The following UGT1A3 variants were observed in gnomAD, a reference collection of about 807,000 sequenced individuals.
UGT1A3 encodes UDP-glucuronosyltransferase 1A3.
In UGT1A3, 31 loss-of-function variants were observed where a neutral mutation model predicts 41.0. That is an observed-to-expected ratio of 0.76 (90% CI 0.57 to 1.02). The LOEUF is 1.02. Among genes scored for constraint, UGT1A3 ranks in the 50% least tolerant of loss-of-function variants. UGT1A3 has a pLI of 0.00. For missense variants in UGT1A3, 737 were observed against 671.0 expected, an observed-to-expected ratio of 1.10 and a Z score of -1.09; for synonymous variants, 262 against 257.6, an observed-to-expected ratio of 1.02 and a Z score of -0.17.
Position 233,729,601 on chromosome 2 carries a change from G to C in UGT1A3, c.475G>C (p.Ala159Pro). 3.1e-6 allele frequency: 5 copies of C among 1,614,032 alleles called. No individual in the cohort carries two copies. The highest frequency in any genetic ancestry group is 4.2e-6 in the Non-Finnish European group (5 of 1,179,956). ...VLTDPVNLCA[A>P]VLAKYLSIPT... ...AACAGACCCCGTTAACCTCTGCGCG[G>C]CAGTGCTGGCTAAGTACCTGTCGAT... The change falls in exon 1 of 5, where the codon GCA (alanine) becomes CCA (proline). Residue 159 changes from alanine (A) to proline (P), a missense_variant. By Grantham distance (27) the Ala-to-Pro change is conservative. Transcript: ENST00000482026.
intron 1 of UGT1A3, among the ~76,000 whole-genome samples, chr2:233,738,627 G>A (rs1481617124): frequency 1.3e-5 from 2 of 152,172 alleles, no homozygotes; most frequent in Non-Finnish European, 2.9e-5. Flanking sequence ...TGGCATTTTT[G>A]CCCCTGCCCT....
chr2:233,760,629 G>T (rs1330446381), intron 1 of UGT1A3: 1 of 1,613,986 alleles, frequency 6.2e-7, no homozygotes, highest in Non-Finnish European at 8.5e-7. Context: ...AAACATACAA[G>T]AAAATAAAAA....
In UGT1A3 at chr2:233,760,429, C is replaced by G. The variant is rs747942373; in HGVS notation, c.868-6605C>G. 87 of 1,614,090 alleles carry G rather than the reference C, an allele frequency of 5.4e-5. No homozygotes were observed. The highest frequency in any genetic ancestry group is 6.6e-5 in the Non-Finnish European group (78 of 1,180,040). On this transcript the variant is annotated intron_variant, in intron 1 of 4. Coordinates refer to ENST00000482026, the MANE Select transcript of UGT1A3 (RefSeq NM_019093.4). The stretch of plus-strand genomic sequence containing the variant: ...CTGGCTGAGCATGCTTGGGGCCATC[C>G]AGCAGCTGCAGCAGAGGGGACATGA...
At chr2:233,740,928 T>C (rs1315246376) in intron 1 of UGT1A3, 1 of 34,774 alleles carries the variant, frequency 2.9e-5, no homozygotes, top group Non-Finnish European at 4.7e-5. Flanking sequence ...CCACAAAAAG[T>C]TTTTTTTTTA....
At chr2:233,736,493 CT>C (rs2078770083) in intron 1 of UGT1A3, among the ~76,000 whole-genome samples, 1 of 152,222 alleles carries the variant, frequency 6.6e-6, no homozygotes, top group African/African-American at 2.4e-5. Context: ...TACTACCAAA[CT>C]TCTGAAGCCT....
At chr2:233,757,560 A>ATG (rs199649558) in intron 1 of UGT1A3, among the ~76,000 whole-genome samples, 16 of 123,134 alleles carry the variant, frequency 1.3e-4, no homozygotes, top group African/African-American at 3.4e-4. Context: ...ATATATATAT[A>ATG]TGTATATATG....
Position 233,729,464 on chromosome 2 carries a change from G to C in UGT1A3, c.338G>C (p.Ser113Thr), listed in dbSNP as rs146268573. ...CATTTTCTGAAGAAATTTTTCAGAA[G>C]TATGGCAATGTTGAACAATATGTCT... ...TEHFLKKFFR[S>T]MAMLNNMSLV... Residue 113 changes from serine to threonine, a missense_variant, in exon 1 of 5, where the codon AGT becomes ACT. Coordinates refer to ENST00000482026, the MANE Select transcript of UGT1A3 (RefSeq NM_019093.4). 178 of 1,614,158 alleles carry C rather than the reference G, an allele frequency of 1.1e-4. 1 individual carries two copies. In the African/African-American group the frequency reaches 2.0e-3, roughly 18 times the overall value.
intron 1 of UGT1A3, among the ~76,000 whole-genome samples, chr2:233,750,424 A>T (rs1378744629): frequency 2.6e-5 from 4 of 151,872 alleles, no homozygotes; most frequent in Non-Finnish European, 5.9e-5. Context: ...GAAAAGAAAA[A>T]CCCATTTTAT....
At chr2:233,764,549 G>A (rs1698590691) in intron 1 of UGT1A3, among the ~76,000 whole-genome samples, 1 of 152,222 alleles carries the variant, frequency 6.6e-6, no homozygotes, top group Non-Finnish European at 1.5e-5. Flanking sequence ...GGGCGTGTGG[G>A]AGGGTGTGCC....
intron 1 of UGT1A3, chr2:233,743,522 T>C: frequency 7.3e-7 from 1 of 1,367,282 alleles, no homozygotes; most frequent in Non-Finnish European, 9.8e-7. Flanking sequence ...CTGCTTCTGC[T>C]TCCCCAGCAG....
chr2:233,729,649 A>T lies in UGT1A3; in HGVS notation c.523A>T (p.Asn175Tyr), dbSNP rs61764031. Residue 175 changes from asparagine to tyrosine, a missense_variant, in exon 1 of 5, where the codon AAC becomes TAC. Physicochemically the swap from Asn to Tyr is moderately radical, Grantham distance 143. Coordinates refer to ENST00000482026, the MANE Select transcript of UGT1A3 (RefSeq NM_019093.4). ...LSIPTVFFLR[N>Y]IPCDLDFKGT... ...GATTCCTACTGTGTTTTTTTTGAGG[A>T]ACATTCCATGTGATTTAGACTTTAA... 8.3e-4 allele frequency: 1,345 copies of T among 1,613,864 alleles called. No individual in the cohort carries two copies. The highest frequency in any genetic ancestry group is 1.1e-3 in the Non-Finnish European group (1,252 of 1,179,868).
intron 1 of UGT1A3, chr2:233,747,522 G>C: frequency 6.2e-7 from 1 of 1,606,796 alleles, no homozygotes; most frequent in South Asian, 1.1e-5. Context: ...CTTTGAAACA[G>C]AACATTTTCT....
chr2:233,741,535 C>T (rs1191111579), intron 1 of UGT1A3: 1 of 151,874 alleles, frequency 6.6e-6, no homozygotes, highest in East Asian at 1.9e-4. Context: ...CTGTCTTATT[C>T]TGATACTTCT....
intron 1 of UGT1A3, chr2:233,743,791 C>G: frequency 7.3e-7 from 1 of 1,367,342 alleles, no homozygotes; most frequent in Non-Finnish European, 9.8e-7. Flanking sequence ...ATCTCCTCTC[C>G]GCTTCCTCCT....
In UGT1A3 at chr2:233,755,421, C is replaced by T. The variant is rs774443994; in HGVS notation, c.868-11613C>T. 197 of 321,386 alleles carry T rather than the reference C, an allele frequency of 6.1e-4. 1 individual carries two copies. The highest frequency in any genetic ancestry group is 1.9e-3 in the Admixed American group (45 of 23,834). 19.9% of individuals were successfully genotyped at this position (321,386 alleles called of 1,614,324 possible). On this transcript the variant is annotated intron_variant, in intron 1 of 4. Transcript: ENST00000482026. ...TCTCATTGGCCGAGGCCTGTGAGCG[C>T]CTCGCATCCCAAGATGCAGTGCTCC... is the stretch of plus-strand genomic sequence containing the variant.
chr2:233,755,791 C>G (rs1696023449), intron 1 of UGT1A3: 1 of 152,376 alleles, frequency 6.6e-6, no homozygotes, highest in Non-Finnish European at 1.5e-5. Flanking sequence ...ATCATATGTA[C>G]TGCATTAGAG....
Position 233,769,475 on chromosome 2 carries a change from G to C in UGT1A3, c.1307+1036G>C. 1.2e-6 allele frequency: 2 copies of C among 1,611,166 alleles called. No individual in the cohort carries two copies. Among genetic ancestry groups the C allele is most frequent in the Non-Finnish European group, 1.7e-6 (2 of 1,178,526 alleles). On this transcript the variant is annotated intron_variant, in intron 4 of 4. Coordinates refer to ENST00000482026, the MANE Select transcript of UGT1A3 (RefSeq NM_019093.4). The surrounding 1 kb of genome is among the most constrained non-coding windows in gnomAD (Gnocchi z 4.4). ...TGTGCATTCATATGCGTGTGTGTGT[G>C]TGTGCGTGTGTTTATGAGAGTGTCC...
At chr2:233,757,679 A>C (rs1462473576) in intron 1 of UGT1A3, among the ~76,000 whole-genome samples, 1 of 151,534 alleles carries the variant, frequency 6.6e-6, no homozygotes, top group African/African-American at 2.4e-5. Context: ...CAAGGAATTC[A>C]AGGGATTCAA....
intron 1 of UGT1A3, chr2:233,743,760 A>T: frequency 7.3e-7 from 1 of 1,367,362 alleles, no homozygotes; most frequent in South Asian, 1.1e-5. Flanking sequence ...AACACCTCGT[A>T]GGCCTCGGCC....
Sources: gnomAD v4.1 joint callset for allele counts (sites outside exome capture counted in the v4.1 genomes callset) on GRCh38, gnomAD v4.1.1 for gene constraint, Gnocchi (gnomAD v3.1) non-coding constraint, MANE v1.5 for transcripts, NCBI Gene and HGNC (gene_info 2026-07-23, HGNC 2026-07-21) for gene names.